Variants in MAST4 observed in about 807,000 individuals in gnomAD.
MAST4 encodes the protein microtubule associated serine/threonine kinase family member 4, also known as microtubule-associated serine/threonine-protein kinase 4.
In MAST4, 89 loss-of-function variants were observed where a neutral mutation model predicts 162.7. The observed-to-expected ratio is 0.55, with a 90% CI of 0.46 to 0.65. MAST4 has a LOEUF of 0.65. Among genes scored for constraint, MAST4 ranks in the 30% least tolerant of loss-of-function variants. The pLI, the probability that MAST4 is intolerant of heterozygous loss-of-function variation, is 0.00. For synonymous variants in MAST4, 1,479 were observed against 1,361.1 expected, an observed-to-expected ratio of 1.09 and a Z score of -1.91; for missense variants, 3,153 against 3,374.0, an observed-to-expected ratio of 0.93 and a Z score of 1.62.
Position 66,741,326 on chromosome 5 carries a change from C to T in MAST4, c.364-18383C>T, listed in dbSNP as rs567219039. ...CTGAAGAAAGGAACTTTGTTCTGGT[C>T]ACTGCTGTCTGCACAGTGGCCAAAC... On this transcript the variant is annotated intron_variant, in intron 1 of 28. Transcript: ENST00000403625. 5.0e-4 allele frequency among the ~76,000 whole-genome samples: 76 copies of T among 152,314 alleles called. No individual in the cohort carries two copies. In the Middle Eastern group the frequency reaches 0.014, roughly 27 times the overall value.
chr5:66,811,833 AAAGAG>A (rs140728698), intron 3 of MAST4, among the ~76,000 whole-genome samples: 36,911 of 151,938 alleles, frequency 0.24, 5,584 homozygotes, highest in Non-Finnish European at 0.35. Context: ...TTTCCTCAGA[AAAGAG>A]AAAAGATATT....
At chr5:66,990,573 A>C (rs1039425771) in intron 4 of MAST4, among the ~76,000 whole-genome samples, 2 of 152,196 alleles carry the variant, frequency 1.3e-5, no homozygotes, top group Admixed American at 6.5e-5. Flanking sequence ...AGGGAGATCG[A>C]GGCTGTAGTG....
intron 1 of MAST4, among the ~76,000 whole-genome samples, chr5:66,666,279 T>C (rs190503656): frequency 5.4e-4 from 82 of 152,332 alleles, no homozygotes; most frequent in African/African-American, 1.9e-3. Flanking sequence ...AATGATGTTT[T>C]TCTCTTCAGA....
chr5:66,787,223 C>T (rs1755159743), intron 2 of MAST4, among the ~76,000 whole-genome samples: 1 of 152,162 alleles, frequency 6.6e-6, no homozygotes, highest in Admixed American at 6.6e-5. Flanking sequence ...TCAAGTCTAT[C>T]ACCCCCATTT....
intron 2 of MAST4, among the ~76,000 whole-genome samples, chr5:66,764,644 G>A (rs1754005290): frequency 1.3e-5 from 2 of 151,220 alleles, no homozygotes; most frequent in South Asian, 4.2e-4. Context: ...AAAAGTAAAA[G>A]AAAAAAATAG....
intron 1 of MAST4, among the ~76,000 whole-genome samples, chr5:66,629,609 C>T (rs1257546066): frequency 6.6e-6 from 1 of 152,182 alleles, no homozygotes; most frequent in Non-Finnish European, 1.5e-5. Flanking sequence ...GTCTGCCTGT[C>T]TCCCATTCCG....
At chr5:66,990,766 A>T (rs1319189311) in intron 4 of MAST4, among the ~76,000 whole-genome samples, 1 of 152,216 alleles carries the variant, frequency 6.6e-6, no homozygotes, top group Non-Finnish European at 1.5e-5. Context: ...CTTTTTCTTA[A>T]GTTACTTGAC....
intron 1 of MAST4, among the ~76,000 whole-genome samples, chr5:66,688,243 T>C (rs1580200279): frequency 6.6e-6 from 1 of 152,200 alleles, no homozygotes; most frequent in East Asian, 1.9e-4. Flanking sequence ...CTGTGCCACA[T>C]TGGTGTCAAC....
intron 1 of MAST4, among the ~76,000 whole-genome samples, chr5:66,711,958 A>G (rs948218379): frequency 6.6e-6 from 1 of 152,200 alleles, no homozygotes; most frequent in Non-Finnish European, 1.5e-5. Context: ...ACATAGAATA[A>G]CGTTCACCAG....
chr5:66,713,002 C>T (rs1348180604), intron 1 of MAST4, among the ~76,000 whole-genome samples: 1 of 152,190 alleles, frequency 6.6e-6, no homozygotes, highest in Non-Finnish European at 1.5e-5. Context: ...ATGTTTGTCC[C>T]TGATGTACTT....
chr5:66,964,573 G>A (rs1746442286), intron 4 of MAST4, among the ~76,000 whole-genome samples: 1 of 152,120 alleles, frequency 6.6e-6, no homozygotes, highest in African/African-American at 2.4e-5. Context: ...AGGTCGAGGC[G>A]GGCAGATCAC....
chr5:66,767,170 C>CTGTGTGT (rs1554050620), intron 2 of MAST4, among the ~76,000 whole-genome samples: 40 of 139,482 alleles, frequency 2.9e-4, no homozygotes, highest in African/African-American at 8.7e-4. Context: ...GTAAAGTGCA[C>CTGTGTGT]GTGTGTGTGT....
intron 4 of MAST4, among the ~76,000 whole-genome samples, chr5:67,039,740 C>T (rs1756487711): frequency 6.6e-6 from 1 of 152,074 alleles, no homozygotes; most frequent in Non-Finnish European, 1.5e-5. Context: ...CTAATCCACA[C>T]AATTTAGTGA....
At chr5:66,928,672 A>C (rs753360746) in intron 4 of MAST4, among the ~76,000 whole-genome samples, 16 of 152,172 alleles carry the variant, frequency 1.1e-4, no homozygotes, top group Non-Finnish European at 2.1e-4. Context: ...TCAAACTTAT[A>C]GATGCACCTT....
chr5:66,886,047 T>C (rs986023969), intron 3 of MAST4, among the ~76,000 whole-genome samples: 1 of 152,120 alleles, frequency 6.6e-6, no homozygotes, highest in African/African-American at 2.4e-5. Flanking sequence ...GGGTAGGTAG[T>C]TTACCCAAGG....
chr5:67,039,496 G>A (rs1324766797), intron 4 of MAST4, among the ~76,000 whole-genome samples: 2 of 152,184 alleles, frequency 1.3e-5, no homozygotes, highest in African/African-American at 4.8e-5. Context: ...TGAATATGGT[G>A]AGGAGGAATT....
chr5:66,921,095 C>T (rs767644470), intron 4 of MAST4, among the ~76,000 whole-genome samples: 4 of 152,108 alleles, frequency 2.6e-5, no homozygotes, highest in Admixed American at 2.6e-4. Flanking sequence ...AAGCAATGTT[C>T]ACATGACTTA....
chr5:66,616,650 G>T (rs536735077), intron 1 of MAST4, among the ~76,000 whole-genome samples: 1 of 152,294 alleles, frequency 6.6e-6, no homozygotes, highest in South Asian at 2.1e-4. Flanking sequence ...AGCAGCCAGG[G>T]TTTTGCTTTC....
intron 4 of MAST4, among the ~76,000 whole-genome samples, chr5:67,042,913 G>A (rs1756942902): frequency 6.6e-6 from 1 of 152,188 alleles, no homozygotes; most frequent in African/African-American, 2.4e-5. Context: ...GATTGTGGAG[G>A]CACATGAAAT....
Sources: gnomAD v4.1 joint callset for allele counts (sites outside exome capture counted in the v4.1 genomes callset) on GRCh38, gnomAD v4.1.1 for gene constraint, MANE v1.5 for transcripts, NCBI Gene and HGNC (gene_info 2026-07-23, HGNC 2026-07-21) for gene names.